The following NID1 variants were observed in gnomAD, a reference collection of about 807,000 sequenced individuals.
NID1 encodes the protein nidogen-1.
A neutral mutation model predicts 130.6 loss-of-function variants in NID1; 76 were observed. That is an observed-to-expected ratio of 0.58 (90% CI 0.48 to 0.70). The LOEUF (loss-of-function observed/expected upper bound fraction) is 0.70. Ranked by LOEUF, NID1 falls within the 30% of genes least tolerant of loss-of-function variation. The pLI is 0.00. For missense variants in NID1, 1,517 were observed against 1,664.8 expected (o/e 0.91, Z 1.54); for synonymous variants, 665 against 675.1 (o/e 0.98, Z 0.23).
intron 1 of NID1, 52 bp from the exon 2 acceptor site, chr1:236,049,041 A>G (rs772886200): frequency 1.9e-6 from 3 of 1,562,888 alleles, no homozygotes; most frequent in South Asian, 1.1e-5. Context: ...GTCCTTTCTC[A>G]GTAAGACTGA....
rs887258999 is a variant in NID1 at position 235,977,639 on chromosome 1, G to A, written c.*228C>T. The A allele has an allele frequency of 5.8e-6, 3 of 513,706 alleles. No homozygotes were observed. Among genetic ancestry groups the A allele is most frequent in the African/African-American group, 3.9e-5 (2 of 51,760 alleles). The allele number at this position is 513,706 out of a possible 1,614,324, so 31.8% of individuals were successfully genotyped here. On this transcript the variant is annotated 3_prime_UTR_variant, in exon 20 of 20. Coordinates refer to ENST00000264187, the MANE Select transcript of NID1 (RefSeq NM_002508.3). ...GTATAAGTCTGTCTGAGGGTTGGGG[G>A]TAGGGGTGGAGGGTTCTGTCCTTGT...
intron 14 of NID1, among the ~76,000 whole-genome samples, chr1:235,988,342 G>A (rs572521577): frequency 4.6e-5 from 7 of 152,224 alleles, no homozygotes; most frequent in South Asian, 4.1e-4. Flanking sequence ...CTTCACACCC[G>A]TTACAATGGC....
At chr1:236,001,182 C>T (rs147308611) in intron 12 of NID1, among the ~76,000 whole-genome samples, 21 of 151,632 alleles carry the variant, frequency 1.4e-4, no homozygotes, top group Admixed American at 7.9e-4. Context: ...CTCAGCTTAC[C>T]GCAACCTCTG....
chr1:236,048,957 T>G lies in NID1; in HGVS notation c.258A>C (p.Glu86Asp). 1 of 1,613,892 alleles carries G rather than the reference T, an allele frequency of 6.2e-7. No homozygotes were observed. The highest frequency in any genetic ancestry group is 8.5e-7 in the Non-Finnish European group (1 of 1,179,978). The change falls in exon 2 of 20, where the codon GAA becomes GAC. Residue 86 changes from glutamate to aspartate, a missense_variant. Physicochemically the swap from Glu to Asp is conservative, Grantham distance 45 (BLOSUM62 2). Coordinates refer to ENST00000264187, the MANE Select transcript of NID1 (RefSeq NM_002508.3). ...CGGGATGGGATTCTTTGGCCGGGGG[T>G]TCACTCGTAGCAATGATGCCATTTG... ...VTTNGIIATS[E>D]PPAKESHPGL...
chr1:235,986,445 C>A (rs1657576316), intron 14 of NID1, among the ~76,000 whole-genome samples: 1 of 147,112 alleles, frequency 6.8e-6, no homozygotes, highest in Admixed American at 6.7e-5. Flanking sequence ...AAAAAAAAAA[C>A]CAGAAAATAT....
chr1:236,029,700 T>G lies in NID1; in HGVS notation c.1588A>C (p.Asn530His). The G allele has an allele frequency of 6.2e-7, 1 of 1,614,130 alleles. No individual in the cohort carries two copies. The highest frequency in any genetic ancestry group is 8.5e-7 in the Non-Finnish European group (1 of 1,180,024). Residue 530 changes from asparagine (N) to histidine (H), a missense_variant, in exon 7 of 20, where the codon AAT (asparagine) becomes CAT (histidine). Around this residue, in one of 3 missense-constraint regions of NID1, gnomAD observed 1,329 missense variants for 1,429.2 expected, o/e 0.93. Coordinates refer to ENST00000264187, the MANE Select transcript of NID1 (RefSeq NM_002508.3). ...AEVTFVGHPG[N>H]LVIKQRFSGI... ...CTGAACCGCTGCTTAATGACCAGAT[T>G]GCCCGGGTGCCCCACGAAGGTCACC...
chr1:236,041,343 G>T (rs1208551957), intron 4 of NID1, among the ~76,000 whole-genome samples: 6 of 152,120 alleles, frequency 3.9e-5, no homozygotes, highest in Admixed American at 6.5e-5. Flanking sequence ...TGGGATTACA[G>T]GTGTGAGCCA....
rs531226783 is a variant in NID1 at position 235,990,876 on chromosome 1, C to T, written c.2928+10G>A. On this transcript the variant is annotated intron_variant, in intron 14 of 19. Transcript: ENST00000264187. ...GGAGCTGTCACCAGGTATAATCAGCCAGCACTCACCGGGACATGAAGGAAC... is the reference window on the plus strand; with the variant it reads ...GGAGCTGTCACCAGGTATAATCAGCTAGCACTCACCGGGACATGAAGGAAC... 22 of 1,613,984 alleles carry T rather than the reference C, an allele frequency of 1.4e-5. No individual in the cohort carries two copies. The South Asian group carries it at 2.2e-4, about 16-fold the overall frequency.
intron 16 of NID1, 96 bp from the exon 17 acceptor site, chr1:235,980,749 G>T: frequency 1.6e-6 from 2 of 1,276,656 alleles, no homozygotes; most frequent in Non-Finnish European, 2.2e-6. Context: ...ACAATGAAGT[G>T]ATTGGCAGAC....
intron 1 of NID1, among the ~76,000 whole-genome samples, chr1:236,062,699 A>G (rs2102855387): frequency 6.6e-6 from 1 of 152,036 alleles, no homozygotes; most frequent in Middle Eastern, 3.4e-3. Context: ...TTAATTATGA[A>G]TGCAGGCAAC....
chr1:235,981,322 G>A (rs2102791863), intron 16 of NID1, among the ~76,000 whole-genome samples: 1 of 152,320 alleles, frequency 6.6e-6, no homozygotes, highest in Non-Finnish European at 1.5e-5. Context: ...TAACCTGAGT[G>A]TTGATCCACA....
intron 15 of NID1, among the ~76,000 whole-genome samples, chr1:235,983,858 G>C (rs763365363): frequency 1.3e-5 from 2 of 152,086 alleles, no homozygotes; most frequent in Non-Finnish European, 2.9e-5. Context: ...AAGAAAGAAA[G>C]CCTGGGATCC....
intron 15 of NID1, among the ~76,000 whole-genome samples, chr1:235,983,728 G>A (rs1558420593): frequency 6.6e-6 from 1 of 152,144 alleles, no homozygotes; most frequent in African/African-American, 2.4e-5. Flanking sequence ...ACTCTTCCAA[G>A]GGAAAGGTCT....
chr1:235,986,444 A>G (rs1004766429), intron 14 of NID1, among the ~76,000 whole-genome samples: 1 of 146,860 alleles, frequency 6.8e-6, no homozygotes, highest in Non-Finnish European at 1.5e-5. Flanking sequence ...AAAAAAAAAA[A>G]CCAGAAAATA....
In NID1 at chr1:236,064,916, G is replaced by A. The variant is rs1660150282; in HGVS notation, c.164C>T (p.Pro55Leu). The A allele has an allele frequency of 6.2e-7, 1 of 1,612,126 alleles. No homozygotes were observed. The highest frequency in any genetic ancestry group is 1.1e-5 in the South Asian group (1 of 90,848). The change falls in exon 1 of 20, where the codon CCT becomes CTT. Residue 55 changes from proline to leucine, a missense_variant. Around this residue, in one of 3 missense-constraint regions of NID1, gnomAD observed 1,329 missense variants for 1,429.2 expected, o/e 0.93. Coordinates refer to ENST00000264187, the MANE Select transcript of NID1 (RefSeq NM_002508.3). ...ELEDGDDFVS[P>L]ALELSGALRF... ...GAGCGCCCCACTCAGCTCCAGGGCA[G>A]GAGAGACGAAGTCATCCCCGTCCTC... is the stretch of plus-strand genomic sequence containing the variant.
chr1:236,042,366 G>T, intron 3 of NID1, 74 bp from the exon 4 acceptor site: 1 of 1,533,514 alleles, frequency 6.5e-7, no homozygotes, highest in Non-Finnish European at 8.8e-7. Context: ...AGCAGAGGGA[G>T]CCCTGAGGAT....
In NID1 at chr1:236,042,113, G is replaced by A. The variant is rs202199892; in HGVS notation, c.932C>T (p.Thr311Met). ...TCTCAGAGCCTTGTAGGAGAAGGGC[G>A]TGGTGCCCACATCCTCCAGGCCCAG... The part of the protein sequence containing the change: ...TRLGLEDVGT[T>M]PFSYKALRRG... Residue 311 changes from threonine (T) to methionine (M), a missense_variant, in exon 4 of 20, where the codon ACG (threonine) becomes ATG (methionine). By Grantham distance (81) the Thr-to-Met change is moderately conservative. This residue lies in a region of NID1 where 1,329 missense variants were observed against 1,429.2 expected (regional missense o/e 0.93). Coordinates refer to ENST00000264187, the MANE Select transcript of NID1 (RefSeq NM_002508.3). 1.1e-4 allele frequency: 174 copies of A among 1,614,132 alleles called. No individual in the cohort carries two copies. The East Asian group carries it at 1.3e-3, about 12-fold the overall frequency.
chr1:236,012,326 G>A (rs376320903), intron 11 of NID1, among the ~76,000 whole-genome samples: 7 of 152,286 alleles, frequency 4.6e-5, no homozygotes, highest in African/African-American at 1.7e-4. Context: ...GGAGGCCGAG[G>A]CAGGCAGATC....
chr1:236,032,256 C>T lies in NID1; in HGVS notation c.1537+145G>A, dbSNP rs557950161. The stretch of plus-strand genomic sequence containing the variant: ...TCATCTTATTTCCAAGACAGAACTA[C>T]AGGATGCCCTGTCTACAGACAAAAA... On this transcript the variant is annotated intron_variant, in intron 6 of 19. Transcript: ENST00000264187. The T allele has an allele frequency of 1.7e-5, 16 of 939,538 alleles. No individual in the cohort carries two copies. The African/African-American group carries it at 2.6e-4, about 15-fold the overall frequency. 58.2% of individuals were successfully genotyped at this position (939,538 alleles called of 1,614,324 possible). A position where few individuals can be genotyped will look rare whatever the true frequency, so the allele number is the denominator to read the frequency against.
Sources: allele counts gnomAD v4.1 joint callset (sites outside exome capture counted in the v4.1 genomes callset), GRCh38; gene constraint gnomAD v4.1.1; regional missense constraint gnomAD v4.1.1; transcripts MANE v1.5; gene names NCBI Gene and HGNC (gene_info 2026-07-23, HGNC 2026-07-21).